SELP: variants seen among roughly 807,000 people sequenced by gnomAD.
SELP encodes the protein P-selectin.
In SELP, 92 loss-of-function variants were observed where a neutral mutation model predicts 104.1. The ratio of observed to expected loss-of-function variants is 0.88; its 90% CI spans 0.75 to 1.05. SELP has a LOEUF of 1.05. Ranked by LOEUF, SELP falls within the 50% of genes least tolerant of loss-of-function variation. The pLI is 0.00. For synonymous variants in SELP, 397 were observed against 364.5 expected, an observed-to-expected ratio of 1.09 and a Z score of -1.01; for missense variants, 1,022 against 1,017.3, an observed-to-expected ratio of 1.00 and a Z score of -0.06.
At chr1:169,613,721 A>G (rs746219597) in intron 3 of SELP, 28 bp from the exon 4 acceptor site, 2 of 1,582,566 alleles carry the variant, frequency 1.3e-6, no homozygotes, top group Non-Finnish European at 1.7e-6. Context: ...GGTCAGAGTC[A>G]TGGACATTCA....
chr1:169,591,517 G>T, intron 14 of SELP, 61 bp from the exon 15 acceptor site: 2 of 1,220,596 alleles, frequency 1.6e-6, no homozygotes, highest in South Asian at 1.4e-5. Context: ...TGAAAGAGAG[G>T]GTCATTAAGG....
chr1:169,609,834 G>T, intron 7 of SELP, 145 bp from the exon 8 acceptor site: 2 of 715,190 alleles, frequency 2.8e-6, no homozygotes, highest in South Asian at 2.0e-5. Flanking sequence ...AAGAGAGACT[G>T]CCTGGAACAC....
Position 169,617,317 on chromosome 1 carries a change from G to T in SELP, c.192C>A (p.Tyr64Ter). The change falls in exon 3 of 17, where the codon TAC becomes TAA. Residue 64 changes from tyrosine to a stop codon, truncating the protein, a stop_gained. Coordinates refer to ENST00000263686, the MANE Select transcript of SELP (RefSeq NM_003005.4). LOFTEE classifies it high-confidence loss of function. Reference protein sequence around the residue: ...NISRKYCQNRYTDLVAIQNKN... With the variant: ...NISRKYCQNR ...TATTCTGGATGGCCACTAAGTCTGT[G>T]TAGCGATTCTGGCAGTATTTACGGG... 1 of 1,614,082 alleles carries T rather than the reference G, an allele frequency of 6.2e-7. No homozygotes were observed. Among genetic ancestry groups the T allele is most frequent in the Non-Finnish European group, 8.5e-7 (1 of 1,180,008 alleles).
intron 9 of SELP, among the ~76,000 whole-genome samples, chr1:169,603,433 G>A (rs374344515): frequency 2.0e-5 from 3 of 148,976 alleles, no homozygotes; most frequent in East Asian, 3.9e-4. Flanking sequence ...TTGTAGAGGT[G>A]TAAAATAGCA....
chr1:169,602,983 T>C, intron 10 of SELP, 43 bp downstream of exon 10: 1 of 1,504,090 alleles, frequency 6.6e-7, no homozygotes, highest in African/African-American at 1.4e-5. Flanking sequence ...CATTCTCTGA[T>C]GTCATCTTTA....
intron 7 of SELP, among the ~76,000 whole-genome samples, 179 bp downstream of exon 7, chr1:169,611,313 C>T (rs980729865): frequency 1.3e-5 from 2 of 152,172 alleles, no homozygotes; most frequent in African/African-American, 4.8e-5. Context: ...TCCTCACAAG[C>T]ACCTTGCAAT....
At chr1:169,620,760 G>C (rs894734740) in intron 1 of SELP, among the ~76,000 whole-genome samples, 3 of 150,710 alleles carry the variant, frequency 2.0e-5, no homozygotes, top group African/African-American at 7.3e-5. Flanking sequence ...ATGCCCCAGT[G>C]ATGGATGATG....
chr1:169,618,476 C>T (rs1662934519), intron 2 of SELP, among the ~76,000 whole-genome samples: 1 of 152,148 alleles, frequency 6.6e-6, no homozygotes, highest in Admixed American at 6.5e-5. Context: ...TGGGAGTCCA[C>T]CCGGGGCAGG....
At chr1:169,627,960 A>G (rs914770966) in intron 1 of SELP, among the ~76,000 whole-genome samples, 8 of 152,156 alleles carry the variant, frequency 5.3e-5, no homozygotes, top group Non-Finnish European at 1.0e-4. Context: ...CAGTGGTGTG[A>G]TCTCAACTCA....
At chr1:169,620,996 G>T (rs1456720471) in intron 1 of SELP, among the ~76,000 whole-genome samples, 2 of 135,850 alleles carry the variant, frequency 1.5e-5, no homozygotes, top group Non-Finnish European at 3.1e-5. Context: ...CACAGTGATG[G>T]ATAATGTAGG....
intron 3 of SELP, among the ~76,000 whole-genome samples, chr1:169,616,728 T>A (rs1008787757): frequency 1.3e-5 from 2 of 152,186 alleles, no homozygotes; most frequent in African/African-American, 4.8e-5. Flanking sequence ...TTTGCTTCTG[T>A]CCTGCTCCAC....
intron 10 of SELP, among the ~76,000 whole-genome samples, chr1:169,598,183 A>G (rs1417046378): frequency 1.3e-5 from 2 of 152,154 alleles, no homozygotes; most frequent in Non-Finnish European, 2.9e-5. Flanking sequence ...GCAGTTACAT[A>G]TTTTCTTAGC....
At chr1:169,620,892 TG>T in intron 1 of SELP, among the ~76,000 whole-genome samples, 1 of 147,786 alleles carries the variant, frequency 6.8e-6, no homozygotes, top group Non-Finnish European at 1.5e-5. Context: ...TGTGTATGTA[TG>T]CGTGTGTCAT....
At chr1:169,626,627 C>T (rs145450425) in intron 1 of SELP, among the ~76,000 whole-genome samples, 1 of 152,292 alleles carries the variant, frequency 6.6e-6, no homozygotes, top group African/African-American at 2.4e-5. Context: ...GTCACAAATA[C>T]CAGTTGGCAG....
intron 9 of SELP, among the ~76,000 whole-genome samples, chr1:169,606,248 C>G (rs980495509): frequency 6.6e-6 from 1 of 152,146 alleles, no homozygotes; most frequent in Non-Finnish European, 1.5e-5. Context: ...ACCCGGGAGG[C>G]GGAGGTTGCA....
At chr1:169,618,406 GA>G (rs1390665868) in intron 2 of SELP, among the ~76,000 whole-genome samples, 2 of 152,104 alleles carry the variant, frequency 1.3e-5, no homozygotes, top group African/African-American at 4.8e-5. Flanking sequence ...GATACCAAAT[GA>G]ACTAAAGAAT....
chr1:169,618,509 A>G (rs1242585203), intron 2 of SELP, among the ~76,000 whole-genome samples: 1 of 152,200 alleles, frequency 6.6e-6, no homozygotes, highest in Non-Finnish European at 1.5e-5. Flanking sequence ...CCACATGAAG[A>G]GGTGTACAAA....
Position 169,611,634 on chromosome 1 carries a change from C to T in SELP, c.1005G>A (p.Met335Ile). The stretch of plus-strand genomic sequence containing the variant: ...AAGCAGTGAGCGGATGAACACAGTC[C>T]ATGGTTCCTTCACTGGGGGCTTCCA... The part of the protein sequence containing the change: ...QHLEAPSEGT[M>I]DCVHPLTAFA... The change falls in exon 7 of 17, where the codon ATG becomes ATA. Residue 335 changes from methionine to isoleucine, a missense_variant. Transcript: ENST00000263686. 1.2e-6 allele frequency: 2 copies of T among 1,614,102 alleles called. No individual in the cohort carries two copies. The highest frequency in any genetic ancestry group is 2.2e-5 in the East Asian group (1 of 44,878).
chr1:169,621,935 G>A (rs919384809), intron 1 of SELP, among the ~76,000 whole-genome samples: 2 of 152,166 alleles, frequency 1.3e-5, no homozygotes, highest in African/African-American at 4.8e-5. Context: ...ATGCTGAAGT[G>A]GAATTCTTCA....
Sources: gnomAD v4.1 joint callset for allele counts (sites outside exome capture counted in the v4.1 genomes callset) on GRCh38, gnomAD v4.1.1 for gene constraint, MANE v1.5 for transcripts, NCBI Gene and HGNC (gene_info 2026-07-23, HGNC 2026-07-21) for gene names.